Variants in NSUN6 observed in about 807,000 individuals in gnomAD.
NSUN6 encodes the protein NOP2/Sun RNA methyltransferase 6, also known as tRNA (cytosine(72)-C(5))-methyltransferase NSUN6.
A neutral mutation model predicts 58.0 loss-of-function variants in NSUN6; 64 were observed. That is an observed-to-expected ratio of 1.10 (90% confidence interval 0.90 to 1.36). The LOEUF is 1.36. Among genes scored for constraint, NSUN6 ranks in the 40% most tolerant of loss-of-function variants. The pLI is 0.00. For synonymous variants in NSUN6, 231 were observed against 193.9 expected, an observed-to-expected ratio of 1.19 and a Z score of -1.59; for missense variants, 701 against 550.1, an observed-to-expected ratio of 1.27 and a Z score of -2.74.
chr10:18,586,404 C>T (rs181565643), intron 7 of NSUN6, among the ~76,000 whole-genome samples: 3 of 152,032 alleles, frequency 2.0e-5, no homozygotes, highest in Admixed American at 6.5e-5. Context: ...TTCTTCCTTC[C>T]GGTCGGTTCA....
At chr10:18,570,096 T>C (rs1375222043) in intron 8 of NSUN6, among the ~76,000 whole-genome samples, 1 of 150,806 alleles carries the variant, frequency 6.6e-6, no homozygotes, top group Non-Finnish European at 1.5e-5. Context: ...CCACTGCCCA[T>C]TCTATTCTAT....
intron 3 of NSUN6, among the ~76,000 whole-genome samples, chr10:18,632,846 A>G (rs905528724): frequency 4.1e-4 from 63 of 152,334 alleles, no homozygotes; most frequent in South Asian, 2.3e-3. Flanking sequence ...AAGTCAGTGC[A>G]GTGATTCCTC....
At chr10:18,627,694 C>T (rs1164691332) in intron 3 of NSUN6, among the ~76,000 whole-genome samples, 1 of 152,240 alleles carries the variant, frequency 6.6e-6, no homozygotes, top group African/African-American at 2.4e-5. Flanking sequence ...CAATACCGCG[C>T]TTTTCCGATT....
At chr10:18,626,223 T>C (rs566939806) in intron 3 of NSUN6, among the ~76,000 whole-genome samples, 1 of 151,286 alleles carries the variant, frequency 6.6e-6, no homozygotes, top group African/African-American at 2.4e-5. Context: ...GTTACAAAGC[T>C]TGACAATGTT....
rs147223785 is a variant in NSUN6, at chr10:18,651,045, C to T, written c.75+84G>A. 8 of 1,526,462 alleles carry T rather than the reference C, an allele frequency of 5.2e-6. No homozygotes were observed. The East Asian group carries it at 1.6e-4, about 31-fold the overall frequency. 94.6% of individuals were successfully genotyped at this position (1,526,462 alleles called of 1,614,324 possible). A position where few individuals can be genotyped will look rare whatever the true frequency, so the allele number is the denominator to read the frequency against. On this transcript the variant is annotated intron_variant, in intron 1 of 10. Transcript: ENST00000377304. ...AAGGAACGACGGCTGTCAAGATTTCCCTTTATACTTATTTCTATTTCTCTC... is the reference window on the plus strand; with the variant it reads ...AAGGAACGACGGCTGTCAAGATTTCTCTTTATACTTATTTCTATTTCTCTC...
chr10:18,635,702 G>C (rs1317921083), intron 3 of NSUN6, among the ~76,000 whole-genome samples: 3 of 151,750 alleles, frequency 2.0e-5, no homozygotes, highest in Non-Finnish European at 4.4e-5. Flanking sequence ...GCCAGGTATG[G>C]TGGTGGGCAC....
At chr10:18,638,235 G>A (rs188874655) in intron 3 of NSUN6, among the ~76,000 whole-genome samples, 14 of 152,266 alleles carry the variant, frequency 9.2e-5, no homozygotes, top group East Asian at 7.7e-4. Flanking sequence ...CTGAGGTCAC[G>A]AATTTGAGAC....
At position 18,614,440 on chromosome 10, in the gene NSUN6, C is replaced by A. The variant is rs1379106711; in HGVS notation, c.575+20G>T. The A allele has an allele frequency of 2.8e-6, 4 of 1,408,620 alleles. No individual in the cohort carries two copies. Among genetic ancestry groups the A allele is most frequent in the Middle Eastern group, 3.7e-4 (2 of 5,406 alleles). 87.3% of individuals were successfully genotyped at this position (1,408,620 alleles called of 1,614,324 possible). ...CCCACAAAAAGGATGCTGATTTCCC[C>A]AAAGCACCTGATGACATACTTCAGT... is the stretch of plus-strand genomic sequence containing the variant. On this transcript the variant is annotated intron_variant, in intron 5 of 10. Coordinates refer to ENST00000377304, the MANE Select transcript of NSUN6 (RefSeq NM_182543.5).
chr10:18,559,482 AGAATGGAATG>A (rs558249352), intron 8 of NSUN6, among the ~76,000 whole-genome samples: 9 of 149,982 alleles, frequency 6.0e-5, no homozygotes, highest in Admixed American at 2.7e-4. Context: ...AATCGAATGG[AGAATGGAATG>A]GAATGGAATG....
At chr10:18,578,463 T>C (rs971444705) in intron 8 of NSUN6, among the ~76,000 whole-genome samples, 10 of 152,010 alleles carry the variant, frequency 6.6e-5, no homozygotes, top group African/African-American at 2.4e-4. Context: ...TCAAATCCTG[T>C]AAGCCTTTCG....
chr10:18,550,349 C>A (rs1011363203), intron 9 of NSUN6, among the ~76,000 whole-genome samples: 2 of 152,178 alleles, frequency 1.3e-5, no homozygotes, highest in Non-Finnish European at 2.9e-5. Context: ...AATACACAAC[C>A]AGTGCTACCT....
chr10:18,600,941 A>AAAAATATATATATATATATATATAT (rs1487679670), intron 6 of NSUN6, among the ~76,000 whole-genome samples: 2 of 43,542 alleles, frequency 4.6e-5, no homozygotes, highest in Non-Finnish European at 8.9e-5. Context: ...AAAAAAAAAA[A>AAAAATATATATATATATATATATAT]ATATATATAT....
chr10:18,585,219 G>T (rs1345414317), intron 8 of NSUN6, among the ~76,000 whole-genome samples: 2 of 152,174 alleles, frequency 1.3e-5, no homozygotes, highest in African/African-American at 4.8e-5. Context: ...TTGTTGGTAG[G>T]AATGTAAATT....
chr10:18,658,974 TAA>T (rs1446607746), upstream of NSUN6, among the ~76,000 whole-genome samples: 3 of 152,190 alleles, frequency 2.0e-5, no homozygotes, highest in Non-Finnish European at 4.4e-5. Flanking sequence ...GGAACAGGAA[TAA>T]GTCAGGAAAG....
rs1322411790 is a variant in NSUN6 at position 18,563,751 on chromosome 10, A to ATACCATTCCATTCTCCT, written c.923-11781_923-11780insAGGAGAATGGAATGGTA. Among the ~76,000 whole-genome samples, 624 of 148,736 alleles carry ATACCATTCCATTCTCCT rather than the reference A, an allele frequency of 4.2e-3. 4 individuals are homozygous for ATACCATTCCATTCTCCT. Among genetic ancestry groups the ATACCATTCCATTCTCCT allele is most frequent in the African/African-American group, 0.015 (594 of 40,298 alleles). ...CATTCTCCATTCCATTCCATTCTCC[A>ATACCATTCCATTCTCCT]TACCATTCCATTCTCCATTCCACTC... is the stretch of plus-strand genomic sequence containing the variant. On this transcript the variant is annotated intron_variant, in intron 8 of 10. Transcript: ENST00000377304.
chr10:18,614,676 A>C (rs4636555), intron 4 of NSUN6, 63 bp from the exon 5 acceptor site: 536,881 of 867,230 alleles, frequency 0.62, 169,457 homozygotes, highest in East Asian at 0.98. Flanking sequence ...CGTGAAAATT[A>C]TTTGAGCTAG....
intron 8 of NSUN6, among the ~76,000 whole-genome samples, chr10:18,556,528 A>G (rs540292193): frequency 9.6e-4 from 146 of 151,584 alleles, no homozygotes; most frequent in African/African-American, 3.3e-3. Flanking sequence ...AATGGAATGG[A>G]ATGCAGTGGT....
intron 1 of NSUN6, 40 bp from the exon 2 acceptor site, chr10:18,648,685 A>G: frequency 1.6e-6 from 2 of 1,225,806 alleles, no homozygotes; most frequent in Non-Finnish European, 2.4e-6. Flanking sequence ...GAGAATTAAA[A>G]ACAGTCAGCA....
rs189639278 is a variant in NSUN6, at chr10:18,574,327, G to A, written c.922+11622C>T. Reference sequence around the variant, plus strand: ...GAGCAGGGAGATGGCTTACTGACTCGAGAATCTTAAAGTATGAAGCCATTA... The same window carrying A: ...GAGCAGGGAGATGGCTTACTGACTCAAGAATCTTAAAGTATGAAGCCATTA... On this transcript the variant is annotated intron_variant, in intron 8 of 10. Coordinates refer to ENST00000377304, the MANE Select transcript of NSUN6 (RefSeq NM_182543.5). Among the ~76,000 whole-genome samples, 326 of 152,140 alleles carry A rather than the reference G, an allele frequency of 2.1e-3. 1 individual carries two copies. Among genetic ancestry groups the A allele is most frequent in the African/African-American group, 7.5e-3 (313 of 41,550 alleles).
Sources: allele counts gnomAD v4.1 joint callset (sites outside exome capture counted in the v4.1 genomes callset), GRCh38; gene constraint gnomAD v4.1.1; transcripts MANE v1.5; gene names NCBI Gene and HGNC (gene_info 2026-07-23, HGNC 2026-07-21).